The following ACTN4 variants were observed in gnomAD, a reference collection of about 807,000 sequenced individuals.
ACTN4 encodes the protein alpha-actinin-4.
Under a neutral mutation model 114.2 loss-of-function variants are expected in ACTN4, and 18 were observed. The observed-to-expected ratio is 0.16, with a 90% CI of 0.11 to 0.23. ACTN4 has a LOEUF of 0.23. ACTN4 is among the 10% of genes least tolerant of loss of function. ACTN4 has a pLI of 1.00. For synonymous variants in ACTN4, 515 were observed against 506.3 expected, an observed-to-expected ratio of 1.02 and a Z score of -0.23; for missense variants, 722 against 1,262.9, an observed-to-expected ratio of 0.57 and a Z score of 6.49.
At chr19:38,690,227 T>A (rs530233938) in intron 1 of ACTN4, among the ~76,000 whole-genome samples, 1 of 152,218 alleles carries the variant, frequency 6.6e-6, no homozygotes, top group Non-Finnish European at 1.5e-5. Flanking sequence ...ACTCTTCTGG[T>A]CCACGTTTGT....
At chr19:38,728,449 C>G (rs572447625) in intron 19 of ACTN4, 16 of 1,043,116 alleles carry the variant, frequency 1.5e-5, no homozygotes, top group African/African-American at 8.2e-5. Context: ...TCCTCCTCCT[C>G]CCCCCCACCT....
At position 38,729,032 on chromosome 19, in the gene ACTN4, G is replaced by C; in HGVS notation, c.2455G>C (p.Asp819His). 1.2e-6 allele frequency: 2 copies of C among 1,613,452 alleles called. No individual in the cohort carries two copies. Among genetic ancestry groups the C allele is most frequent in the Non-Finnish European group, 1.7e-6 (2 of 1,180,024 alleles). ...AEFNRIMSLV[D>H]PNHSGLVTFQ... ...GTTCAACCGCATCATGAGCCTGGTC[G>C]ACCCCAACCATAGCGGCCTTGTGAC... Residue 819 changes from aspartate to histidine, a missense_variant, in exon 20 of 21, where the codon GAC becomes CAC. Around this residue, in one of 3 missense-constraint regions of ACTN4, gnomAD observed 523 missense variants for 875.9 expected, o/e 0.60. Coordinates refer to ENST00000252699, the MANE Select transcript of ACTN4 (RefSeq NM_004924.6).
chr19:38,706,378 G>A (rs112614234), intron 5 of ACTN4, among the ~76,000 whole-genome samples: 3 of 152,310 alleles, frequency 2.0e-5, no homozygotes, highest in African/African-American at 4.8e-5. Flanking sequence ...CTAATAGAAC[G>A]TTCTTCGTCC....
chr19:38,673,681 TTTATATATA>T lies in ACTN4; in HGVS notation c.162+25786_162+25794del, dbSNP rs1184874509. Among the ~76,000 whole-genome samples the T allele has an allele frequency of 3.3e-4, 32 of 96,818 alleles. 3 individuals carry two copies. Among genetic ancestry groups the T allele is most frequent in the East Asian group, 1.2e-3 (5 of 4,142 alleles). The allele number at this position is 96,818 out of a possible 152,430, so 63.5% of individuals were successfully genotyped here. On this transcript the variant is annotated intron_variant, in intron 1 of 20. Transcript: ENST00000252699. ...TATATATATTATATATATTTATATA[TTTATATATA>T]TTATATATATTTATATATTTATATA...
chr19:38,711,648 C>T (rs1386777413), intron 8 of ACTN4, among the ~76,000 whole-genome samples: 2 of 152,228 alleles, frequency 1.3e-5, no homozygotes, highest in African/African-American at 2.4e-5. Flanking sequence ...AACTGAAGCC[C>T]TGCATTACAG....
chr19:38,682,771 C>T (rs1025759157), intron 1 of ACTN4, among the ~76,000 whole-genome samples: 11 of 152,172 alleles, frequency 7.2e-5, no homozygotes, highest in African/African-American at 2.7e-4. Flanking sequence ...CCTTCTGCTC[C>T]AGCCACACTC....
chr19:38,698,466 G>T (rs1466054417), intron 1 of ACTN4, among the ~76,000 whole-genome samples: 2 of 152,188 alleles, frequency 1.3e-5, no homozygotes, highest in South Asian at 4.1e-4. Flanking sequence ...GTTCATAGCC[G>T]TGGGAGGGAG....
intron 1 of ACTN4, among the ~76,000 whole-genome samples, chr19:38,694,885 G>T (rs996566649): frequency 1.3e-5 from 2 of 151,936 alleles, no homozygotes; most frequent in Non-Finnish European, 2.9e-5. Context: ...TTTGCGGGGG[G>T]GCGGGTTGAG....
chr19:38,726,197 C>A lies in ACTN4; in HGVS notation c.2190+294C>A, dbSNP rs529272192. ...CAGCTCCCCAGGAGGTTGAGGTGGG[C>A]AGATTGCTTGAGCCAGGGAGGCAGA... On this transcript the variant is annotated intron_variant, in intron 17 of 20. Coordinates refer to ENST00000252699, the MANE Select transcript of ACTN4 (RefSeq NM_004924.6). Among the ~76,000 whole-genome samples the A allele has an allele frequency of 2.0e-5, 3 of 149,932 alleles. No homozygotes were observed. The East Asian group carries it at 5.9e-4, about 30-fold the overall frequency.
chr19:38,719,694 C>T (rs1164920511), intron 11 of ACTN4, among the ~76,000 whole-genome samples: 1 of 152,280 alleles, frequency 6.6e-6, no homozygotes, highest in Non-Finnish European at 1.5e-5. Context: ...GTGGCTCCAG[C>T]CGTCCTTATC....
At chr19:38,702,237 T>A (rs181925669) in intron 3 of ACTN4, among the ~76,000 whole-genome samples, 4 of 152,230 alleles carry the variant, frequency 2.6e-5, no homozygotes, top group Non-Finnish European at 5.9e-5. Flanking sequence ...AAACTTGGTC[T>A]AAAAATGTTC....
chr19:38,723,169 G>A (rs984088649), intron 12 of ACTN4, among the ~76,000 whole-genome samples: 1 of 152,184 alleles, frequency 6.6e-6, no homozygotes, highest in African/African-American at 2.4e-5. Context: ...TGGAGCCCAG[G>A]CCCCCAGCCC....
chr19:38,721,404 C>T, intron 11 of ACTN4, 134 bp from the exon 12 acceptor site: 1 of 1,106,866 alleles, frequency 9.0e-7, no homozygotes, highest in South Asian at 1.3e-5. Flanking sequence ...TGGAAGTTTC[C>T]ATGCCACTGT....
chr19:38,688,212 A>G (rs1395829175), intron 1 of ACTN4, among the ~76,000 whole-genome samples: 1 of 152,108 alleles, frequency 6.6e-6, no homozygotes, highest in Non-Finnish European at 1.5e-5. Flanking sequence ...ATTGGAGACC[A>G]GCCTGGGCAT....
chr19:38,728,312 G>A, intron 19 of ACTN4: 1 of 1,512,094 alleles, frequency 6.6e-7, no homozygotes, highest in Non-Finnish European at 8.9e-7. Context: ...CGTCCTCGGA[G>A]CAGAAGCAGA....
In ACTN4 at chr19:38,724,035, C is replaced by T. The variant is rs1969141262; in HGVS notation, c.1650C>T (p.Asp550=). Residue 550 remains aspartate (D), a synonymous_variant, in exon 14 of 21, where the codon GAC becomes GAT. Coordinates refer to ENST00000252699, the MANE Select transcript of ACTN4 (RefSeq NM_004924.6). This position sits in a 1 kb window ranked among gnomAD's most constrained non-coding sequence, Gnocchi z 7.0. ...ACTGGATGGAGAGCGCCATGGAGGA[C>T]CTCCAGGACATGTTCATCGTCCATA... ...FNNWMESAME[D]LQDMFIVHTI... 5.0e-6 allele frequency: 8 copies of T among 1,613,902 alleles called. No individual in the cohort carries two copies. The East Asian group carries it at 1.8e-4, about 36-fold the overall frequency.
Position 38,731,150 on chromosome 19 carries a change from G to T in ACTN4, c.*1718G>T, listed in dbSNP as rs530113729. The T allele has an allele frequency of 6.2e-7, 1 of 1,613,146 alleles. No individual in the cohort carries two copies. Among genetic ancestry groups the T allele is most frequent in the East Asian group, 2.2e-5 (1 of 44,874 alleles). ...GGGCCACACAGGACACGAACCGCTCGAAGTCCACACGCAGACGGCTATCCC... is the reference window on the plus strand; with the variant it reads ...GGGCCACACAGGACACGAACCGCTCTAAGTCCACACGCAGACGGCTATCCC... On this transcript the variant is annotated 3_prime_UTR_variant, in exon 21 of 21. Transcript: ENST00000252699.
chr19:38,702,768 C>T (rs1197120045), intron 3 of ACTN4, among the ~76,000 whole-genome samples: 1 of 152,202 alleles, frequency 6.6e-6, no homozygotes, highest in South Asian at 2.1e-4. Context: ...TCTCAAAACC[C>T]GAAAGCTGTG....
chr19:38,687,561 C>A (rs1445487187), intron 1 of ACTN4, among the ~76,000 whole-genome samples: 1 of 152,216 alleles, frequency 6.6e-6, no homozygotes, highest in Non-Finnish European at 1.5e-5. Context: ...AGTGCAGGAA[C>A]AACTATTAAT....
Sources: gnomAD v4.1 joint callset for allele counts (sites outside exome capture counted in the v4.1 genomes callset) on GRCh38, gnomAD v4.1.1 for gene constraint, gnomAD v4.1.1 regional missense constraint, Gnocchi (gnomAD v3.1) non-coding constraint, MANE v1.5 for transcripts, NCBI Gene and HGNC (gene_info 2026-07-23, HGNC 2026-07-21) for gene names.